Variants in QARS1 observed in about 807,000 individuals in gnomAD.
QARS1 encodes the protein glutaminyl-tRNA synthetase 1, also known as glutamine--tRNA ligase.
Under a neutral mutation model 106.9 loss-of-function variants are expected in QARS1, and 79 were observed. That is an observed-to-expected ratio of 0.74 (90% CI 0.62 to 0.89). The LOEUF (loss-of-function observed/expected upper bound fraction) is 0.89. Ranked by LOEUF, QARS1 falls within the 40% of genes least tolerant of loss-of-function variation. The pLI is 0.00. For synonymous variants in QARS1, 395 were observed against 367.7 expected (o/e 1.07, Z -0.85); for missense variants, 966 against 997.2 (o/e 0.97, Z 0.42).
chr3:49,099,782 CAG>C lies in QARS1; in HGVS notation c.1365_1366del (p.Cys456HisfsTer40). 2.5e-6 allele frequency: 4 copies of C among 1,613,984 alleles called. No homozygotes were observed. The highest frequency in any genetic ancestry group is 3.4e-6 in the Non-Finnish European group (4 of 1,180,014). The stretch of plus-strand genomic sequence containing the variant: ...TCACCGGGCCTGGAATTCCTTGGTG[CAG>C]AGTGAGTGAGTGATGTGCTCGATGG... On this transcript the variant is annotated frameshift_variant, in exon 15 of 24. Transcript: ENST00000306125. LOFTEE classifies it high-confidence loss of function.
In QARS1 at chr3:49,099,593, C is replaced by T. The variant is rs2042439343; in HGVS notation, c.1443G>A (p.Gln481=). ...GCAGGTTGAGGCGGCCATACTCCCACTGCACAGGGCAATAGACGTCCAGTG... is the reference window on the plus strand; with the variant it reads ...GCAGGTTGAGGCGGCCATACTCCCATTGCACAGGGCAATAGACGTCCAGTG... ...CNALDVYCPV[Q]WEYGRLNLHY... The change falls in exon 16 of 24, where the codon CAG becomes CAA. Residue 481 remains glutamine (Q), a synonymous_variant. Coordinates refer to ENST00000306125, the MANE Select transcript of QARS1 (RefSeq NM_005051.3). 6.2e-7 allele frequency: 1 copy of T among 1,614,194 alleles called. No homozygotes were observed.
chr3:49,103,544 TC>T, intron 4 of QARS1, 86 bp downstream of exon 4: 1 of 1,564,180 alleles, frequency 6.4e-7, no homozygotes, highest in Non-Finnish European at 8.7e-7. Context: ...TCACTCCTGT[TC>T]CTTCCCCCAC....
intron 2 of QARS1, 123 bp downstream of exon 2, chr3:49,104,201 C>G: frequency 7.0e-7 from 1 of 1,432,238 alleles, no homozygotes; most frequent in Non-Finnish European, 9.7e-7. Context: ...CCTTCCATGC[C>G]TCAGTGCCTG....
In QARS1 at chr3:49,098,039, C is replaced by G; in HGVS notation, c.2230G>C (p.Glu744Gln). Reference protein sequence around the residue: ...LAKPFDKFQFERLGYFSVDPD... With the variant: ...LAKPFDKFQFQRLGYFSVDPD... The stretch of plus-strand genomic sequence containing the variant: ...TCCACGGAGAAATATCCAAGACGCT[C>G]AAACTGGAACTTGTCGAAGGGTTTT... Residue 744 changes from glutamate to glutamine, a missense_variant, in exon 23 of 24, where the codon GAG becomes CAG. Coordinates refer to ENST00000306125, the MANE Select transcript of QARS1 (RefSeq NM_005051.3). 1.2e-6 allele frequency: 2 copies of G among 1,614,188 alleles called. No individual in the cohort carries two copies. Among genetic ancestry groups the G allele is most frequent in the Non-Finnish European group, 1.7e-6 (2 of 1,180,046 alleles).
intron 10 of QARS1, among the ~76,000 whole-genome samples, chr3:49,101,021 C>T (rs1262312584): frequency 3.3e-5 from 5 of 152,176 alleles, no homozygotes; most frequent in African/African-American, 9.7e-5. Context: ...AGATTACAGG[C>T]GTGAGCCACC....
rs367776807 is a variant in QARS1, at chr3:49,098,489, G to T, written c.1957-9C>A. On this transcript the variant is annotated splice_polypyrimidine_tract_variant and intron_variant, in intron 20 of 23. Coordinates refer to ENST00000306125, the MANE Select transcript of QARS1 (RefSeq NM_005051.3). The stretch of plus-strand genomic sequence containing the variant: ...ACACAACCACTGGGGCCCTGGAAGT[G>T]GGGGGAGGGGAGCAGCAATTAGACC... 5.1e-5 allele frequency: 82 copies of T among 1,613,994 alleles called. 5 individuals are homozygous for T. The South Asian group carries it at 6.8e-4, about 13-fold the overall frequency.
At position 49,103,955 on chromosome 3, in the gene QARS1, G is replaced by C; in HGVS notation, c.283C>G (p.Arg95Gly). The change falls in exon 3 of 24, where the codon CGG becomes GGG. Residue 95 changes from arginine to glycine, a missense_variant. Arg to Gly is a moderately radical substitution (Grantham distance 125). Coordinates refer to ENST00000306125, the MANE Select transcript of QARS1 (RefSeq NM_005051.3). ...TCGATGGGGTCCAAGGGGTGACTCC[G>C]CACATACTCAAGGGCAGCTGAGAAG... Reference protein sequence around the residue: ...PQLSAALEYVRSHPLDPIDTV... With the variant: ...PQLSAALEYVGSHPLDPIDTV... The C allele has an allele frequency of 1.2e-6, 2 of 1,613,818 alleles. No homozygotes were observed. Among genetic ancestry groups the C allele is most frequent in the Non-Finnish European group, 1.7e-6 (2 of 1,179,922 alleles).
chr3:49,102,542 C>T, intron 5 of QARS1, 70 bp from the exon 6 acceptor site: 2 of 1,562,408 alleles, frequency 1.3e-6, no homozygotes, highest in Non-Finnish European at 8.8e-7. Flanking sequence ...TGATCCTACC[C>T]ACCAACCCAA....
In QARS1 at chr3:49,099,407, A is replaced by G; in HGVS notation, c.1551T>C (p.Phe517=). The G allele has an allele frequency of 1.2e-6, 2 of 1,614,190 alleles. No individual in the cohort carries two copies. The highest frequency in any genetic ancestry group is 1.7e-6 in the Non-Finnish European group (2 of 1,180,024). The change falls in exon 17 of 24, where the codon TTT becomes TTC. Residue 517 remains phenylalanine, a synonymous_variant. Transcript: ENST00000306125. Reference sequence around the variant, plus strand: ...CCCGCCGTCGCAGGGCCGTGAGTGTAAAGAGCCGTGGGTCATCCCAGTCCC... The same window carrying G: ...CCCGCCGTCGCAGGGCCGTGAGTGTGAAGAGCCGTGGGTCATCCCAGTCCC... The part of the protein sequence containing the change: ...AVRDWDDPRL[F]TLTALRRRGF...
At position 49,103,856 on chromosome 3, in the gene QARS1, G is replaced by T; in HGVS notation, c.375+7C>A. On this transcript the variant is annotated splice_region_variant and intron_variant, in intron 3 of 23. Coordinates refer to ENST00000306125, the MANE Select transcript of QARS1 (RefSeq NM_005051.3). ...GGGAGGCAGACGATGCCTGGGGAAA[G>T]ACTCACAGCCTCCTCAATCTGCTCT... The T allele has an allele frequency of 6.2e-7, 1 of 1,613,122 alleles. No individual in the cohort carries two copies. Among genetic ancestry groups the T allele is most frequent in the Non-Finnish European group, 8.5e-7 (1 of 1,179,190 alleles).
chr3:49,102,185 AG>A lies in QARS1; in HGVS notation c.631+19del. 6.2e-7 allele frequency: 1 copy of A among 1,614,162 alleles called. No homozygotes were observed. Among genetic ancestry groups the A allele is most frequent in the Non-Finnish European group, 8.5e-7 (1 of 1,179,974 alleles). The stretch of plus-strand genomic sequence containing the variant: ...AAGTCAGGGAGCTGAATGCTGTGAC[AG>A]GAGTCTCAAGCTTCTCACCATTCTC... On this transcript the variant is annotated intron_variant, in intron 7 of 23. Transcript: ENST00000306125.
rs1575400084 is a variant in QARS1, at chr3:49,099,401, G to A, written c.1557C>T (p.Leu519=). 1 of 1,614,216 alleles carries A rather than the reference G, an allele frequency of 6.2e-7. No individual in the cohort carries two copies. Residue 519 remains leucine, a synonymous_variant, in exon 17 of 24, where the codon CTC becomes CTT. Transcript: ENST00000306125. The stretch of plus-strand genomic sequence containing the variant: ...GGAAGCCCCGCCGTCGCAGGGCCGT[G>A]AGTGTAAAGAGCCGTGGGTCATCCC... The part of the protein sequence containing the change: ...RDWDDPRLFT[L]TALRRRGFPP...
Position 49,098,923 on chromosome 3 carries a change from C to T in QARS1, c.1825G>A (p.Ala609Thr), listed in dbSNP as rs62621222. ...ETKGFHQVPF[A>T]PIVFIERTDF... ...GTCCTCTCAATGAAGACAATGGGTG[C>T]AAAGGGAACCTGATGGAAGCCTTTG... The change falls in exon 19 of 24, where the codon GCA becomes ACA. Residue 609 changes from alanine to threonine, a missense_variant. Coordinates refer to ENST00000306125, the MANE Select transcript of QARS1 (RefSeq NM_005051.3). The T allele has an allele frequency of 2.2e-5, 35 of 1,613,958 alleles. 1 individual carries two copies. The Middle Eastern group carries it at 1.2e-3, about 53-fold the overall frequency.
chr3:49,104,186 C>T (rs1439345068), intron 2 of QARS1, 138 bp downstream of exon 2: 9 of 1,334,620 alleles, frequency 6.7e-6, no homozygotes, highest in Non-Finnish European at 9.6e-6. Flanking sequence ...TCACCATAGG[C>T]CACCCCTTCC....
rs2042426175 is a variant in QARS1, at chr3:49,098,783, T to TTGCTA, written c.1864-92_1864-91insTAGCA. The TTGCTA allele has an allele frequency of 3.3e-6, 5 of 1,501,126 alleles. No individual in the cohort carries two copies. In the African/African-American group the frequency reaches 5.5e-5, roughly 17 times the overall value. 93.0% of individuals were successfully genotyped at this position (1,501,126 alleles called of 1,614,324 possible). A position where few individuals can be genotyped will look rare whatever the true frequency, so the allele number is the denominator to read the frequency against. On this transcript the variant is annotated intron_variant, in intron 19 of 23. Coordinates refer to ENST00000306125, the MANE Select transcript of QARS1 (RefSeq NM_005051.3). ...ACCCCCGTGTCTGGCAAAGATTGGT[T>TTGCTA]CATCTGAAGCAGGAAGTAGATGGAC... is the stretch of plus-strand genomic sequence containing the variant.
intron 3 of QARS1, 61 bp downstream of exon 3, chr3:49,103,802 T>C: frequency 6.3e-7 from 1 of 1,596,646 alleles, no homozygotes; most frequent in Non-Finnish European, 8.6e-7. Flanking sequence ...GGAGGGAAAC[T>C]GAGCCACTCC....
chr3:49,098,963 G>T lies in QARS1; in HGVS notation c.1785C>A (p.Phe595Leu). The change falls in exon 19 of 24, where the codon TTC (phenylalanine) becomes TTA (leucine). Residue 595 changes from phenylalanine (F) to leucine (L), a missense_variant. By Grantham distance (22) the Phe-to-Leu change is conservative. Transcript: ENST00000306125. ...GGAAGCCTTTGGTCTCATCAGCTGG[G>T]AAGTTGGGCACCTGGATGTCCAAGG... ...AKSLDIQVPN[F>L]PADETKGFHQ... The T allele has an allele frequency of 6.2e-7, 1 of 1,614,122 alleles. No homozygotes were observed. Among genetic ancestry groups the T allele is most frequent in the Non-Finnish European group, 8.5e-7 (1 of 1,179,984 alleles).
At chr3:49,103,209 C>T (rs1429290239) in intron 5 of QARS1, 136 bp downstream of exon 5, 1 of 889,518 alleles carries the variant, frequency 1.1e-6, no homozygotes, top group Non-Finnish European at 1.8e-6. Flanking sequence ...CCTCCTGCCT[C>T]AGCCTCCCAA....
intron 23 of QARS1, 114 bp downstream of exon 23, chr3:49,097,878 C>T: frequency 7.0e-7 from 1 of 1,420,424 alleles, no homozygotes; most frequent in Non-Finnish European, 9.7e-7. Flanking sequence ...ATATGAATAC[C>T]AACTCCCTCA....
Sources: gnomAD v4.1 joint callset for allele counts (sites outside exome capture counted in the v4.1 genomes callset) on GRCh38, gnomAD v4.1.1 for gene constraint, MANE v1.5 for transcripts, NCBI Gene and HGNC (gene_info 2026-07-23, HGNC 2026-07-21) for gene names.